Variants in ANXA9 observed in about 807,000 individuals in gnomAD.
The protein encoded by ANXA9 is annexin A9.
ANXA9 carries 47 observed loss-of-function variants against 51.8 expected under a neutral mutation model. The observed-to-expected ratio is 0.91, with a 90% CI of 0.72 to 1.16. The LOEUF is 1.16. ANXA9 is among the 50% of genes most tolerant of loss of function. The pLI is 0.00. For synonymous variants in ANXA9, 154 were observed against 168.7 expected (o/e 0.91, Z 0.68); for missense variants, 361 against 424.7 (o/e 0.85, Z 1.32).
chr1:150,985,903 CTTCT>C (rs1671545508), intron 7 of ANXA9, among the ~76,000 whole-genome samples: 2 of 152,110 alleles, frequency 1.3e-5, no homozygotes, highest in Non-Finnish European at 2.9e-5. Flanking sequence ...ACCTTCCTTC[CTTCT>C]TGCATCTGTT....
upstream of ANXA9, among the ~76,000 whole-genome samples, chr1:150,980,671 C>G (rs2102783599): frequency 6.7e-6 from 1 of 150,304 alleles, no homozygotes; most frequent in Non-Finnish European, 1.5e-5. Context: ...CCTCTGCCTC[C>G]CAGGTTCAAG....
chr1:150,978,413 G>C (rs1242197276), upstream of ANXA9, among the ~76,000 whole-genome samples: 1 of 152,172 alleles, frequency 6.6e-6, no homozygotes, highest in East Asian at 1.9e-4. Flanking sequence ...CTGGGTGACA[G>C]AGTAAGACTC....
chr1:150,983,233 T>C (rs1406497884), intron 3 of ANXA9, 53 bp downstream of exon 3: 32 of 1,604,808 alleles, frequency 2.0e-5, no homozygotes, highest in Non-Finnish European at 2.6e-5. Context: ...GCTCGGGCTG[T>C]GAGAGGATGG....
chr1:150,983,471 T>C, intron 4 of ANXA9, 37 bp downstream of exon 4: 1 of 1,561,204 alleles, frequency 6.4e-7, no homozygotes, highest in Non-Finnish European at 8.7e-7. Context: ...GACTGCCTTT[T>C]AGAGCCAATC....
chr1:150,986,654 A>G lies in ANXA9; in HGVS notation c.605A>G (p.Asp202Gly), dbSNP rs767066456. ...ATTGACTATAATCTGGCAGAACAAG[A>G]TGTCCAGGTGAGCAGGGGGTTTAGG... ...GIIDYNLAEQ[D>G]VQALQRAEGP... The change falls in exon 9 of 14, where the codon GAT (aspartate) becomes GGT (glycine). Residue 202 changes from aspartate (D) to glycine (G), a missense_variant. Transcript: ENST00000368947. 1.9e-6 allele frequency: 3 copies of G among 1,596,708 alleles called. No individual in the cohort carries two copies. The highest frequency in any genetic ancestry group is 1.1e-5 in the South Asian group (1 of 88,362).
intron 12 of ANXA9, among the ~76,000 whole-genome samples, chr1:150,990,949 C>T (rs1462986776): frequency 6.6e-6 from 1 of 152,048 alleles, no homozygotes; most frequent in Non-Finnish European, 1.5e-5. Flanking sequence ...TCGAGACCAT[C>T]CTGGCTAACA....
chr1:150,991,765 CT>C (rs587682791), intron 12 of ANXA9, among the ~76,000 whole-genome samples: 11,189 of 144,602 alleles, frequency 0.077, 1,370 homozygotes, highest in African/African-American at 0.26. Flanking sequence ...TGGTGGCAAA[CT>C]TTTTTTTTTT....
rs370752897 is a variant in ANXA9 at position 150,993,525 on chromosome 1, G to A, written c.853-1052G>A. Reference sequence around the variant, plus strand: ...GGGTTTCACCATGTTGGCCAGGCTGGTCTCGAACTCCTGACCATAAATGAT... The same window carrying A: ...GGGTTTCACCATGTTGGCCAGGCTGATCTCGAACTCCTGACCATAAATGAT... On this transcript the variant is annotated intron_variant, in intron 12 of 13. Coordinates refer to ENST00000368947, the MANE Select transcript of ANXA9 (RefSeq NM_003568.3). Among the ~76,000 whole-genome samples the A allele has an allele frequency of 5.5e-4, 84 of 151,682 alleles. 1 individual carries two copies. Among genetic ancestry groups the A allele is most frequent in the African/African-American group, 2.0e-3 (83 of 41,346 alleles).
upstream of ANXA9, among the ~76,000 whole-genome samples, chr1:150,980,161 C>T (rs1007996269): frequency 7.9e-5 from 12 of 152,142 alleles, no homozygotes; most frequent in African/African-American, 2.9e-4. Context: ...CTTTGGGAGT[C>T]CAAGGCAGGT....
chr1:150,992,100 A>G (rs1671719208), intron 12 of ANXA9, among the ~76,000 whole-genome samples: 2 of 152,154 alleles, frequency 1.3e-5, no homozygotes, highest in Non-Finnish European at 2.9e-5. Flanking sequence ...ATGTAGATAT[A>G]TGAAAACATA....
intron 9 of ANXA9, among the ~76,000 whole-genome samples, chr1:150,987,091 G>C (rs180862137): frequency 1.3e-5 from 2 of 152,264 alleles, no homozygotes; most frequent in East Asian, 3.9e-4. Context: ...TAGTAGGCCA[G>C]GCATGGTGGC....
chr1:150,995,212 G>A (rs1460627921), intron 13 of ANXA9, 48 bp from the exon 14 acceptor site: 1 of 1,576,184 alleles, frequency 6.3e-7, no homozygotes, highest in Non-Finnish European at 8.7e-7. Flanking sequence ...GAGCACTTGG[G>A]CCATAGTGGT....
chr1:150,986,600 A>G lies in ANXA9; in HGVS notation c.553-2A>G, dbSNP rs775922540. 5 of 1,607,582 alleles carry G rather than the reference A, an allele frequency of 3.1e-6. No homozygotes were observed. Among genetic ancestry groups the G allele is most frequent in the Non-Finnish European group, 4.2e-6 (5 of 1,178,118 alleles). ...CCCTCTAAGAACAGTTTCTCCTCCT[A>G]GGGGGGCCGTGACAGCTACTCTGGA... On this transcript the variant is annotated splice_acceptor_variant, in intron 8 of 13. Coordinates refer to ENST00000368947, the MANE Select transcript of ANXA9 (RefSeq NM_003568.3). LOFTEE classifies it high-confidence loss of function.
intron 12 of ANXA9, among the ~76,000 whole-genome samples, chr1:150,991,544 TTC>T (rs1671699066): frequency 2.0e-5 from 3 of 150,520 alleles, no homozygotes; most frequent in African/African-American, 7.4e-5. Context: ...CTTCTTCTTC[TTC>T]TTTTTTTTTC....
In ANXA9 at chr1:150,986,241, G is replaced by A. The variant is rs587681811; in HGVS notation, c.473-95G>A. 3.7e-6 allele frequency: 4 copies of A among 1,081,940 alleles called. No homozygotes were observed. The Admixed American group carries it at 7.2e-5, about 19-fold the overall frequency. 67.0% of individuals were successfully genotyped at this position (1,081,940 alleles called of 1,614,324 possible). A position where few individuals can be genotyped will look rare whatever the true frequency, so the allele number is the denominator to read the frequency against. The stretch of plus-strand genomic sequence containing the variant: ...ACTCCAAGCAGGGGCTAGCAGGGCT[G>A]GCAGGGTATAGCGGGTCAGGCATTT... On this transcript the variant is annotated intron_variant, in intron 7 of 13. Transcript: ENST00000368947.
At chr1:150,991,795 CT>C (rs1314354403) in intron 12 of ANXA9, among the ~76,000 whole-genome samples, 2 of 147,450 alleles carry the variant, frequency 1.4e-5, no homozygotes, top group Non-Finnish European at 3.0e-5. Flanking sequence ...AAGATGGAGG[CT>C]TGCTCTGTCA....
chr1:150,984,266 G>C lies in ANXA9; in HGVS notation c.268-15G>C. ...CTCACCCCCGTCCCTCTGCTGTGAG[G>C]ACCATTTATTGTAGGACCTGATGAA... is the stretch of plus-strand genomic sequence containing the variant. On this transcript the variant is annotated splice_polypyrimidine_tract_variant and intron_variant, in intron 5 of 13. Coordinates refer to ENST00000368947, the MANE Select transcript of ANXA9 (RefSeq NM_003568.3). The C allele has an allele frequency of 1.2e-6, 2 of 1,611,778 alleles. No homozygotes were observed. Among genetic ancestry groups the C allele is most frequent in the Non-Finnish European group, 1.7e-6 (2 of 1,177,880 alleles).
At chr1:150,981,872 C>T (rs1304006941), upstream of ANXA9, 8 of 152,286 alleles carry the variant, frequency 5.3e-5, no homozygotes, top group Admixed American at 5.2e-4. Flanking sequence ...TGGTATGTGC[C>T]CCAACAGGTT....
At chr1:150,978,506 A>G (rs1192503285), upstream of ANXA9, among the ~76,000 whole-genome samples, 3 of 152,180 alleles carry the variant, frequency 2.0e-5, no homozygotes, top group Non-Finnish European at 2.9e-5. Context: ...GAGGCGGTGT[A>G]TGTGGCTGCC....
Sources: allele counts gnomAD v4.1 joint callset (sites outside exome capture counted in the v4.1 genomes callset), GRCh38; gene constraint gnomAD v4.1.1; transcripts MANE v1.5; gene names NCBI Gene and HGNC (gene_info 2026-07-23, HGNC 2026-07-21).